The following CFDP1 variants were observed in gnomAD, a reference collection of about 807,000 sequenced individuals.
CFDP1 encodes heterochromatin-stabilizing protein CFDP1.
CFDP1 carries 31 observed loss-of-function variants against 40.1 expected under a neutral mutation model. That is an observed-to-expected ratio of 0.77 (90% CI 0.58 to 1.04). The LOEUF (loss-of-function observed/expected upper bound fraction) is 1.04, where lower values mean the gene tolerates loss of function less well. Ranked by LOEUF, CFDP1 falls within the 50% of genes least tolerant of loss-of-function variation. The pLI, the probability that CFDP1 is intolerant of heterozygous loss-of-function variation, is 0.00. For missense variants in CFDP1, 423 were observed against 343.4 expected (o/e 1.23, Z -1.83); for synonymous variants, 167 against 120.0 (o/e 1.39, Z -2.56).
chr16:75,399,750 G>A (rs949538694), intron 4 of CFDP1, among the ~76,000 whole-genome samples: 1 of 152,140 alleles, frequency 6.6e-6, no homozygotes, highest in African/African-American at 2.4e-5. Flanking sequence ...GGGAGGCCAA[G>A]GGCGGGAGGA....
chr16:75,355,787 C>T (rs1402627509), intron 5 of CFDP1, among the ~76,000 whole-genome samples: 1 of 152,140 alleles, frequency 6.6e-6, no homozygotes, highest in Non-Finnish European at 1.5e-5. Flanking sequence ...CTCCTGCCAC[C>T]CTGTGAAGAG....
rs568401192 is a variant in CFDP1 at position 75,355,382 on chromosome 16, C to A, written c.650+39708G>T. On this transcript the variant is annotated intron_variant, in intron 5 of 6. Transcript: ENST00000283882. ...AAAATTGAAGTCAATCCTCTCAAACCCTGCTATTGCTTTATCAACTAAATA... is the reference window on the plus strand; with the variant it reads ...AAAATTGAAGTCAATCCTCTCAAACACTGCTATTGCTTTATCAACTAAATA... Among the ~76,000 whole-genome samples the A allele has an allele frequency of 1.8e-4, 27 of 152,274 alleles. No individual in the cohort carries two copies. In the South Asian group the frequency reaches 5.6e-3, roughly 32 times the overall value.
intron 5 of CFDP1, among the ~76,000 whole-genome samples, chr16:75,376,355 T>A (rs907997722): frequency 1.3e-5 from 2 of 152,202 alleles, no homozygotes; most frequent in African/African-American, 4.8e-5. Flanking sequence ...CATACGTTTA[T>A]CAGCAGGATA....
At chr16:75,413,451 C>G (rs368347422) in intron 2 of CFDP1, among the ~76,000 whole-genome samples, 6 of 150,806 alleles carry the variant, frequency 4.0e-5, no homozygotes, top group African/African-American at 2.4e-5. Context: ...TCCAGCCACT[C>G]GGAGGCTGAG....
At chr16:75,357,190 G>C (rs1042962018) in intron 5 of CFDP1, among the ~76,000 whole-genome samples, 1 of 151,802 alleles carries the variant, frequency 6.6e-6, no homozygotes, top group Non-Finnish European at 1.5e-5. Context: ...TGGGATTACA[G>C]GTGTGAGCCA....
rs367693030 is a variant in CFDP1 at position 75,400,204 on chromosome 16, G to A, written c.531-4995C>T. ...GGCTGAAGCAGAAGGATCGCTTGAA[G>A]CCAGGAGTTCAAGGTTACAGTGAGC... On this transcript the variant is annotated intron_variant, in intron 4 of 6. Coordinates refer to ENST00000283882, the MANE Select transcript of CFDP1 (RefSeq NM_006324.3). Among the ~76,000 whole-genome samples the A allele has an allele frequency of 5.6e-4, 85 of 151,806 alleles. No homozygotes were observed. In the Middle Eastern group the frequency reaches 0.01, roughly 19 times the overall value.
chr16:75,344,462 G>C lies in CFDP1; in HGVS notation c.651-39280C>G, dbSNP rs138362766. ...TTAGAAAAGTAACTATAAAATAATGGTACAATTCGTGACTGAACAACCACG... is the reference window on the plus strand; with the variant it reads ...TTAGAAAAGTAACTATAAAATAATGCTACAATTCGTGACTGAACAACCACG... On this transcript the variant is annotated intron_variant, in intron 5 of 6. Coordinates refer to ENST00000283882, the MANE Select transcript of CFDP1 (RefSeq NM_006324.3). Among the ~76,000 whole-genome samples, 519 of 152,208 alleles carry C rather than the reference G, an allele frequency of 3.4e-3. 2 individuals are homozygous for C. The highest frequency in any genetic ancestry group is 0.011 in the African/African-American group (439 of 41,532).
intron 5 of CFDP1, among the ~76,000 whole-genome samples, chr16:75,339,302 C>G (rs914644654): frequency 2.0e-5 from 3 of 152,178 alleles, no homozygotes; most frequent in African/African-American, 7.2e-5. Context: ...GAGGTTCTAA[C>G]TAAAGGATCA....
rs546643909 is a variant in CFDP1, at chr16:75,394,829, ATT to A, written c.650+259_650+260del. On this transcript the variant is annotated intron_variant, in intron 5 of 6. Transcript: ENST00000283882. ...AGGTGCAAGCCACCATGCCCAGCTA[ATT>A]TTTTTTTTTTTAAGAGACAGGGTCT... 1.3e-3 allele frequency: 317 copies of A among 235,194 alleles called. 3 individuals carry two copies. The highest frequency in any genetic ancestry group is 3.1e-3 in the Middle Eastern group (2 of 650). 14.6% of individuals were successfully genotyped at this position (235,194 alleles called of 1,614,324 possible). A position where few individuals can be genotyped will look rare whatever the true frequency, so the allele number is the denominator to read the frequency against.
At chr16:75,306,125 C>T (rs1003578133) in intron 5 of CFDP1, among the ~76,000 whole-genome samples, 4 of 152,200 alleles carry the variant, frequency 2.6e-5, no homozygotes, top group South Asian at 2.1e-4. Flanking sequence ...TTCCGCCTCA[C>T]GGGGATATGC....
chr16:75,370,139 C>G, intron 5 of CFDP1, among the ~76,000 whole-genome samples: 1 of 151,184 alleles, frequency 6.6e-6, no homozygotes. Flanking sequence ...GTTGCCCAGG[C>G]TGGAGTGCAA....
At chr16:75,306,877 T>A (rs2078260785) in intron 5 of CFDP1, among the ~76,000 whole-genome samples, 1 of 135,566 alleles carries the variant, frequency 7.4e-6, no homozygotes, top group African/African-American at 3.0e-5. Flanking sequence ...GTGCGCGTGA[T>A]CACACACACA....
chr16:75,340,640 T>C (rs879284538), intron 5 of CFDP1, among the ~76,000 whole-genome samples: 4 of 152,230 alleles, frequency 2.6e-5, no homozygotes, highest in Non-Finnish European at 5.9e-5. Context: ...TGGACGAAAT[T>C]TCTTTCTGCA....
chr16:75,413,540 G>A (rs1163261481), intron 2 of CFDP1, among the ~76,000 whole-genome samples: 11 of 121,346 alleles, frequency 9.1e-5, no homozygotes, highest in African/African-American at 3.2e-4. Context: ...GCAACAGGGC[G>A]AGACTCTGTC....
chr16:75,349,672 A>AT (rs1567653452), intron 5 of CFDP1, among the ~76,000 whole-genome samples: 2 of 6,288 alleles, frequency 3.2e-4, no homozygotes, highest in African/African-American at 6.2e-4. Context: ...AAAAAAAAAA[A>AT]AAAAAAAAAA....
At chr16:75,313,843 G>A (rs1183960730) in intron 5 of CFDP1, among the ~76,000 whole-genome samples, 1 of 150,456 alleles carries the variant, frequency 6.6e-6, no homozygotes, top group East Asian at 1.9e-4. Context: ...TAAAGCAAAT[G>A]AGATTTCTTA....
At chr16:75,364,038 T>C (rs1243544751) in intron 5 of CFDP1, among the ~76,000 whole-genome samples, 2 of 151,596 alleles carry the variant, frequency 1.3e-5, no homozygotes, top group African/African-American at 4.9e-5. Context: ...AGGTTCATAC[T>C]AGTGGGAACC....
intron 5 of CFDP1, among the ~76,000 whole-genome samples, chr16:75,382,014 G>A (rs554566519): frequency 6.6e-6 from 1 of 152,026 alleles, no homozygotes; most frequent in African/African-American, 2.4e-5. Flanking sequence ...TACACAGGAG[G>A]CTGAGGTGGG....
At chr16:75,336,209 G>A (rs1049279760) in intron 5 of CFDP1, among the ~76,000 whole-genome samples, 5 of 152,204 alleles carry the variant, frequency 3.3e-5, no homozygotes, top group African/African-American at 9.6e-5. Context: ...GGTGGAAATA[G>A]AGCAGAGAAC....
Sources: gnomAD v4.1 joint callset for allele counts (sites outside exome capture counted in the v4.1 genomes callset) on GRCh38, gnomAD v4.1.1 for gene constraint, MANE v1.5 for transcripts, NCBI Gene and HGNC (gene_info 2026-07-23, HGNC 2026-07-21) for gene names.